Variants in TRIM71 observed in about 807,000 individuals in gnomAD.
The protein encoded by TRIM71 is tripartite motif containing 71.
A neutral mutation model predicts 61.2 loss-of-function variants in TRIM71; 9 were observed. That is an observed-to-expected ratio of 0.15 (90% CI 0.09 to 0.26). TRIM71 has a LOEUF of 0.26. Among genes scored for constraint, TRIM71 ranks in the 10% least tolerant of loss-of-function variants. TRIM71 has a pLI of 1.00. For synonymous variants in TRIM71, 645 were observed against 553.2 expected, an observed-to-expected ratio of 1.17 and a Z score of -2.33; for missense variants, 998 against 1,238.7, an observed-to-expected ratio of 0.81 and a Z score of 2.92.
chr3:32,863,879 A>G (rs1463325911), intron 1 of TRIM71, among the ~76,000 whole-genome samples: 1 of 151,950 alleles, frequency 6.6e-6, no homozygotes, highest in Non-Finnish European at 1.5e-5. Flanking sequence ...ATGGGGTTTC[A>G]CTATGTTGGC....
At chr3:32,829,261 T>C (rs1696239179) in intron 1 of TRIM71, among the ~76,000 whole-genome samples, 1 of 150,832 alleles carries the variant, frequency 6.6e-6, no homozygotes, top group Admixed American at 6.6e-5. Context: ...CTTGGCTCAC[T>C]GCAACCTCCA....
chr3:32,884,152 T>C (rs1696936387), intron 2 of TRIM71, among the ~76,000 whole-genome samples: 1 of 152,152 alleles, frequency 6.6e-6, no homozygotes, highest in Admixed American at 6.5e-5. Flanking sequence ...GGTTTCACCA[T>C]GTTGGCCAGG....
intron 1 of TRIM71, among the ~76,000 whole-genome samples, chr3:32,840,334 G>T (rs1054649088): frequency 6.7e-6 from 1 of 150,018 alleles, no homozygotes; most frequent in South Asian, 2.1e-4. Context: ...AACAAACCCC[G>T]CATTCTGTGC....
At chr3:32,833,178 T>A (rs1434234801) in intron 1 of TRIM71, among the ~76,000 whole-genome samples, 1 of 82,806 alleles carries the variant, frequency 1.2e-5, no homozygotes. Flanking sequence ...AATGAAACTC[T>A]GTCTTTAAAA....
At chr3:32,839,819 G>T (rs1696383434) in intron 1 of TRIM71, among the ~76,000 whole-genome samples, 1 of 151,958 alleles carries the variant, frequency 6.6e-6, no homozygotes, top group Admixed American at 6.6e-5. Flanking sequence ...TGAAGGTGGG[G>T]TGCTGCCCGG....
At chr3:32,839,088 T>G (rs1349442625) in intron 1 of TRIM71, among the ~76,000 whole-genome samples, 1 of 152,056 alleles carries the variant, frequency 6.6e-6, no homozygotes, top group African/African-American at 2.4e-5. Flanking sequence ...TGCCCAGCCT[T>G]GAGCCTCCTT....
intron 2 of TRIM71, among the ~76,000 whole-genome samples, chr3:32,885,150 A>C (rs186332185): frequency 6.6e-6 from 1 of 152,206 alleles, no homozygotes; most frequent in Non-Finnish European, 1.5e-5. Context: ...GGCTTCCCTG[A>C]CACCCTCCTG....
rs202166205 is a variant in TRIM71 at position 32,818,058 on chromosome 3, C to T, written c.-23C>T. 5 of 1,607,972 alleles carry T rather than the reference C, an allele frequency of 3.1e-6. No individual in the cohort carries two copies. Among genetic ancestry groups the T allele is most frequent in the East Asian group, 2.3e-5 (1 of 44,050 alleles). On this transcript the variant is annotated 5_prime_UTR_variant, in exon 1 of 4. Coordinates refer to ENST00000383763, the MANE Select transcript of TRIM71 (RefSeq NM_001039111.3). ...TCCTCCTCTTCCTCTCTGGTCTCCT[C>T]CCTCCTCCGGGCTGGGTTGCAAATG...
Position 32,818,280 on chromosome 3 carries a change from G to T in TRIM71, c.200G>T (p.Arg67Leu). 5 of 1,418,140 alleles carry T rather than the reference G, an allele frequency of 3.5e-6. No homozygotes were observed. The highest frequency in any genetic ancestry group is 1.5e-5 in the South Asian group (1 of 66,966). The allele number at this position is 1,418,140 out of a possible 1,614,324, so 87.8% of individuals were successfully genotyped here. A position where few individuals can be genotyped will look rare whatever the true frequency, so the allele number is the denominator to read the frequency against. The stretch of plus-strand genomic sequence containing the variant: ...CTGCCCTGCCTGCACGCCTTCTGCC[G>T]CCCCTGCCTCGAGGCGCACCGGCTG... ...HVLPCLHAFC[R>L]PCLEAHRLPA... The change falls in exon 1 of 4, where the codon CGC (arginine) becomes CTC (leucine). Residue 67 changes from arginine to leucine, a missense_variant. Coordinates refer to ENST00000383763, the MANE Select transcript of TRIM71 (RefSeq NM_001039111.3).
chr3:32,826,680 A>G (rs1427267119), intron 1 of TRIM71, among the ~76,000 whole-genome samples: 1 of 143,034 alleles, frequency 7.0e-6, no homozygotes, highest in Non-Finnish European at 1.5e-5. Flanking sequence ...TCCTGACCTC[A>G]AATGGTCCAC....
Position 32,890,506 on chromosome 3 carries a change from A to G in TRIM71, c.1302A>G (p.Arg434=), listed in dbSNP as rs2125693454. The G allele has an allele frequency of 1.2e-6, 2 of 1,614,188 alleles. No individual in the cohort carries two copies. The highest frequency in any genetic ancestry group is 2.7e-5 in the African/African-American group (2 of 75,078). ...GAGCGCTAGACATCCTACTGGCCCG[A>G]GACCGGATGCTGGCCCAGGTGCAGG... ...EGRALDILLA[R]DRMLAQVQEL... The change falls in exon 4 of 4, where the codon CGA becomes CGG. Residue 434 remains arginine, a synonymous_variant. Transcript: ENST00000383763. The surrounding 1 kb of genome is among the most constrained non-coding windows in gnomAD (Gnocchi z 6.2).
intron 2 of TRIM71, among the ~76,000 whole-genome samples, chr3:32,877,501 A>G (rs766818152): frequency 1.3e-5 from 2 of 151,808 alleles, no homozygotes; most frequent in Non-Finnish European, 2.9e-5. Context: ...GACTACAGGT[A>G]TGCTCCACCA....
At chr3:32,844,085 A>T (rs1383705180) in intron 1 of TRIM71, among the ~76,000 whole-genome samples, 1 of 152,122 alleles carries the variant, frequency 6.6e-6, no homozygotes, top group Admixed American at 6.6e-5. Context: ...GTGCTTACCC[A>T]TGCTTTCTCG....
intron 1 of TRIM71, among the ~76,000 whole-genome samples, chr3:32,848,101 G>T (rs1253817652): frequency 6.6e-6 from 1 of 152,180 alleles, no homozygotes; most frequent in African/African-American, 2.4e-5. Flanking sequence ...CAGATAACGA[G>T]AGACGACTGT....
intron 1 of TRIM71, among the ~76,000 whole-genome samples, chr3:32,836,872 G>A (rs1488192079): frequency 2.0e-5 from 3 of 152,174 alleles, no homozygotes; most frequent in Non-Finnish European, 4.4e-5. Flanking sequence ...CTCTGCAGAC[G>A]TTCAGTTATT....
At chr3:32,862,524 A>G (rs773542465) in intron 1 of TRIM71, among the ~76,000 whole-genome samples, 2 of 152,222 alleles carry the variant, frequency 1.3e-5, no homozygotes, top group Non-Finnish European at 2.9e-5. Flanking sequence ...TTACATGGCC[A>G]CCTACAGAGT....
chr3:32,893,768 C>T lies in TRIM71; in HGVS notation c.*1957C>T, dbSNP rs1168462298. On this transcript the variant is annotated 3_prime_UTR_variant, in exon 4 of 4. Coordinates refer to ENST00000383763, the MANE Select transcript of TRIM71 (RefSeq NM_001039111.3). ...ATCAAGTTGCTTTTCCCGTACACCT[C>T]TTTTGGACGTTTAATTTACTACTAC... 2 of 148,072 alleles carry T rather than the reference C, an allele frequency of 1.4e-5. No individual in the cohort carries two copies. Among genetic ancestry groups the T allele is most frequent in the African/African-American group, 4.8e-5 (2 of 41,362 alleles). 9.2% of individuals were successfully genotyped at this position (148,072 alleles called of 1,614,324 possible). A position where few individuals can be genotyped will look rare whatever the true frequency, so the allele number is the denominator to read the frequency against.
intron 1 of TRIM71, among the ~76,000 whole-genome samples, chr3:32,866,339 C>A (rs1321454962): frequency 6.6e-6 from 1 of 151,838 alleles, no homozygotes; most frequent in African/African-American, 2.4e-5. Flanking sequence ...ATCTCTGCCC[C>A]CTGGGTTCAA....
In TRIM71 at chr3:32,873,060, T is replaced by C. The variant is rs73827070; in HGVS notation, c.853-758T>C. The stretch of plus-strand genomic sequence containing the variant: ...TAAAGGTTGTGCCAGCCCTTCTCTC[T>C]CTTCCTCCCTCCCTCCCTCCCTCCC... On this transcript the variant is annotated intron_variant, in intron 1 of 3. Transcript: ENST00000383763. Among the ~76,000 whole-genome samples the C allele has an allele frequency of 2.1e-3, 201 of 96,122 alleles. 4 individuals carry two copies. The highest frequency in any genetic ancestry group is 0.012 in the South Asian group (31 of 2,624). 63.1% of individuals were successfully genotyped at this position (96,122 alleles called of 152,430 possible).
Sources: gnomAD v4.1 joint callset for allele counts (sites outside exome capture counted in the v4.1 genomes callset) on GRCh38, gnomAD v4.1.1 for gene constraint, Gnocchi (gnomAD v3.1) non-coding constraint, MANE v1.5 for transcripts, NCBI Gene and HGNC (gene_info 2026-07-23, HGNC 2026-07-21) for gene names.